Variants in AMH observed in about 807,000 individuals in gnomAD.
AMH encodes the protein anti-Mullerian hormone, also known as anti-Muellerian hormone.
A neutral mutation model predicts 33.3 loss-of-function variants in AMH; 39 were observed. The ratio of observed to expected loss-of-function variants is 1.17; its 90% CI spans 0.91 to 1.53. The LOEUF (loss-of-function observed/expected upper bound fraction) is 1.53. Ranked by LOEUF, AMH falls within the 40% of genes most tolerant of loss-of-function variation. The pLI, the probability that AMH is intolerant of heterozygous loss-of-function variation, is 0.00. For synonymous variants in AMH, 536 were observed against 403.0 expected, an observed-to-expected ratio of 1.33 and a Z score of -3.95; for missense variants, 1,019 against 799.8, an observed-to-expected ratio of 1.27 and a Z score of -3.30.
rs1385933183 is a variant in AMH, at chr19:2,250,675, C to A, written c.579C>A (p.Thr193=). The change falls in exon 3 of 5, where the codon ACC becomes ACA. Residue 193 remains threonine (T), a synonymous_variant. Transcript: ENST00000221496. ...GAQSLCPSRD[T]RYLVLAVDRP... ...AGAGCCTCTGCCCCTCCCGAGACAC[C>A]CGCTACCTGGTGTTAGCGGTGGACC... 6.5e-7 allele frequency: 1 copy of A among 1,539,778 alleles called. No individual in the cohort carries two copies. Among genetic ancestry groups the A allele is most frequent in the Non-Finnish European group, 8.7e-7 (1 of 1,147,302 alleles).
intron 1 of AMH, 47 bp from the exon 2 acceptor site, chr19:2,250,290 G>A (rs771599497): frequency 3.2e-6 from 5 of 1,562,464 alleles, no homozygotes; most frequent in Admixed American, 3.7e-5. Context: ...ATTCCCGGGG[G>A]GTGTGGCCTT....
At position 2,251,564 on chromosome 19, in the gene AMH, G is replaced by C; in HGVS notation, c.1290G>C (p.Ala430=). 5 of 1,319,404 alleles carry C rather than the reference G, an allele frequency of 3.8e-6. No homozygotes were observed. Among genetic ancestry groups the C allele is most frequent in the Non-Finnish European group, 3.9e-6 (4 of 1,036,482 alleles). The allele number at this position is 1,319,404 out of a possible 1,614,324, so 81.7% of individuals were successfully genotyped here. Residue 430 remains alanine (A), a synonymous_variant, in exon 5 of 5, where the codon GCG becomes GCC. Transcript: ENST00000221496. The stretch of plus-strand genomic sequence containing the variant: ...TGCGAGCGCTGCTGCTCCTGAAGGC[G>C]CTGCAGGGCCTGCGCGTGGAGTGGC... ...DPLRALLLLK[A]LQGLRVEWRG... is the part of the protein sequence containing the mutation.
Position 2,249,540 on chromosome 19 carries a change from CT to C in AMH, c.209del (p.Leu70ArgfsTer7), listed in dbSNP as rs1268601129. On this transcript the variant is annotated frameshift_variant, in exon 1 of 5. Transcript: ENST00000221496. LOFTEE classifies it high-confidence loss of function. ...GGDSNGSSSP[L>X]RVVGALSAYE... The stretch of plus-strand genomic sequence containing the variant: ...GGACAGCAATGGCAGCAGCTCCCCC[CT>C]GCGGGTGGTGGGGGCTCTAAGCGCC... The C allele has an allele frequency of 1.6e-5, 25 of 1,595,772 alleles. No individual in the cohort carries two copies. In the Admixed American group the frequency reaches 3.1e-4, roughly 20 times the overall value.
chr19:2,251,986 AG>A lies in AMH; in HGVS notation c.*32del. The A allele has an allele frequency of 6.5e-7, 1 of 1,533,758 alleles. No individual in the cohort carries two copies. The highest frequency in any genetic ancestry group is 1.2e-5 in the South Asian group (1 of 84,176). On this transcript the variant is annotated 3_prime_UTR_variant, in exon 5 of 5. Transcript: ENST00000221496. The stretch of plus-strand genomic sequence containing the variant: ...CTGCGCCGCGCGGACTCCTGCCCCG[AG>A]GGTCCGGACGCGCCCCAGCTCGCGC...
chr19:2,249,627 A>G lies in AMH; in HGVS notation c.295A>G (p.Thr99Ala). 1 of 1,529,614 alleles carries G rather than the reference A, an allele frequency of 6.5e-7. No individual in the cohort carries two copies. Among genetic ancestry groups the G allele is most frequent in the Non-Finnish European group, 8.8e-7 (1 of 1,140,318 alleles). The allele number at this position is 1,529,614 out of a possible 1,614,324, so 94.8% of individuals were successfully genotyped here. Residue 99 changes from threonine to alanine, a missense_variant, in exon 1 of 5, where the codon ACC becomes GCC. By Grantham distance (58) the Thr-to-Ala change is moderately conservative. Coordinates refer to ENST00000221496, the MANE Select transcript of AMH (RefSeq NM_000479.5). ...CCGCTGGGGCCCCCGAGACCTGGCC[A>G]CCTTCGGGGTCTGCAACACCGGTGA... The part of the protein sequence containing the change: ...RARWGPRDLA[T>A]FGVCNTGDRQ...
In AMH at chr19:2,250,957, C is replaced by T. The variant is rs1210053184; in HGVS notation, c.773C>T (p.Ala258Val). The T allele has an allele frequency of 2.0e-6, 3 of 1,526,366 alleles. No individual in the cohort carries two copies. Among genetic ancestry groups the T allele is most frequent in the Admixed American group, 3.9e-5 (2 of 50,702 alleles). The allele number at this position is 1,526,366 out of a possible 1,614,324, so 94.6% of individuals were successfully genotyped here. A position where few individuals can be genotyped will look rare whatever the true frequency, so the allele number is the denominator to read the frequency against. The change falls in exon 4 of 5, where the codon GCG becomes GTG. Residue 258 changes from alanine to valine, a missense_variant. Ala to Val is a moderately conservative substitution (Grantham distance 64). Transcript: ENST00000221496. ...CTCCTGCTGCCGCGGTCCGAGCCCG[C>T]GCCGCTGCCTGCGCACGGCCAGCTG... ...ALLLLPRSEP[A>V]PLPAHGQLDT...
chr19:2,249,326 AC>A lies in AMH; in HGVS notation c.-4del. 3.2e-6 allele frequency: 5 copies of A among 1,557,058 alleles called. No homozygotes were observed. Among genetic ancestry groups the A allele is most frequent in the South Asian group, 1.2e-5 (1 of 85,112 alleles). ...GGCAGGCAGCCCAGCCCCTGGCAGC[AC>A]CCACGATGCGGGACCTGCCTCTCAC... On this transcript the variant is annotated 5_prime_UTR_variant, in exon 1 of 5. Transcript: ENST00000221496.
chr19:2,252,003 C>T lies in AMH; in HGVS notation c.*46C>T, dbSNP rs1197991702. 2.0e-6 allele frequency: 3 copies of T among 1,528,480 alleles called. No homozygotes were observed. The highest frequency in any genetic ancestry group is 2.6e-6 in the Non-Finnish European group (3 of 1,143,044). 94.7% of individuals were successfully genotyped at this position (1,528,480 alleles called of 1,614,324 possible). ...CTGCCCCGAGGGTCCGGACGCGCCC[C>T]AGCTCGCGCCCCTTCCCATATTTAT... On this transcript the variant is annotated 3_prime_UTR_variant, in exon 5 of 5. Coordinates refer to ENST00000221496, the MANE Select transcript of AMH (RefSeq NM_000479.5).
chr19:2,249,838 C>T lies in AMH; in HGVS notation c.412+94C>T, dbSNP rs1005244332. The T allele has an allele frequency of 4.5e-6, 6 of 1,347,770 alleles. No homozygotes were observed. The African/African-American group carries it at 7.4e-5, about 17-fold the overall frequency. The allele number at this position is 1,347,770 out of a possible 1,614,324, so 83.5% of individuals were successfully genotyped here. ...AGATCAGGGGCTGGCAGAGCCCCCA[C>T]CCTGGGCAGGGAGGCTGTGGTCTTG... On this transcript the variant is annotated intron_variant, in intron 1 of 4. Transcript: ENST00000221496.
At position 2,249,563 on chromosome 19, in the gene AMH, C is replaced by T. The variant is rs1159509628; in HGVS notation, c.231C>T (p.Ser77=). The change falls in exon 1 of 5, where the codon AGC becomes AGT. Residue 77 remains serine, a synonymous_variant. Transcript: ENST00000221496. ...SSPLRVVGAL[S]AYEQAFLGAV... is the part of the protein sequence containing the mutation. Reference sequence around the variant, plus strand: ...CCCTGCGGGTGGTGGGGGCTCTAAGCGCCTATGAGCAGGCCTTCCTGGGGG... The same window carrying T: ...CCCTGCGGGTGGTGGGGGCTCTAAGTGCCTATGAGCAGGCCTTCCTGGGGG... 1.6e-5 allele frequency: 25 copies of T among 1,579,872 alleles called. No homozygotes were observed. Among genetic ancestry groups the T allele is most frequent in the Admixed American group, 5.4e-5 (3 of 55,680 alleles).
In AMH at chr19:2,251,709, A is replaced by G; in HGVS notation, c.1435A>G (p.Ile479Val). ...CCTCCGCGCCGAGCGCTCCGTACTC[A>G]TCCCCGAGACCTACCAGGCCAACAA... The part of the protein sequence containing the change: ...VDLRAERSVL[I>V]PETYQANNCQ... The change falls in exon 5 of 5, where the codon ATC becomes GTC. Residue 479 changes from isoleucine (I) to valine (V), a missense_variant. By Grantham distance (29) the Ile-to-Val change is conservative. Coordinates refer to ENST00000221496, the MANE Select transcript of AMH (RefSeq NM_000479.5). The G allele has an allele frequency of 2.5e-6, 4 of 1,611,614 alleles. No homozygotes were observed. Among genetic ancestry groups the G allele is most frequent in the Non-Finnish European group, 3.4e-6 (4 of 1,179,506 alleles).
Position 2,251,901 on chromosome 19 carries a change from C to T in AMH, c.1627C>T (p.Arg543Cys), listed in dbSNP as rs1160248955. 7 of 1,565,074 alleles carry T rather than the reference C, an allele frequency of 4.5e-6. No homozygotes were observed. Among genetic ancestry groups the T allele is most frequent in the Admixed American group, 3.6e-5 (2 of 55,312 alleles). ...GCTGCTCATCAGCCTGTCGGAGGAGCGCATCAGCGCGCACCACGTGCCCAA... is the reference window on the plus strand; with the variant it reads ...GCTGCTCATCAGCCTGTCGGAGGAGTGCATCAGCGCGCACCACGTGCCCAA... ...GKLLISLSEERISAHHVPNMV... is the reference protein window; with the variant it reads ...GKLLISLSEECISAHHVPNMV... The change falls in exon 5 of 5, where the codon CGC becomes TGC. Residue 543 changes from arginine to cysteine, a missense_variant. Physicochemically the swap from Arg to Cys is radical, Grantham distance 180. Transcript: ENST00000221496.
chr19:2,250,326 C>G lies in AMH; in HGVS notation c.413-11C>G. Reference sequence around the variant, plus strand: ...CAATGGCTCAGGCGTCCCCTGCTGTCCCGGCTGCAGTGACCTGGGAGCCAA... The same window carrying G: ...CAATGGCTCAGGCGTCCCCTGCTGTGCCGGCTGCAGTGACCTGGGAGCCAA... On this transcript the variant is annotated splice_polypyrimidine_tract_variant and intron_variant, in intron 1 of 4. Coordinates refer to ENST00000221496, the MANE Select transcript of AMH (RefSeq NM_000479.5). 1.9e-6 allele frequency: 3 copies of G among 1,592,598 alleles called. No individual in the cohort carries two copies. Among genetic ancestry groups the G allele is most frequent in the East Asian group, 4.5e-5 (2 of 44,390 alleles).
chr19:2,250,360 C>G lies in AMH; in HGVS notation c.436C>G (p.Leu146Val). ...EEVTWEPTPS[L>V]RFQEPPPGGA... Reference sequence around the variant, plus strand: ...AGTGACCTGGGAGCCAACACCCTCGCTGAGGTTCCAGGAGCCCCCGCCTGG... The same window carrying G: ...AGTGACCTGGGAGCCAACACCCTCGGTGAGGTTCCAGGAGCCCCCGCCTGG... Residue 146 changes from leucine (L) to valine (V), a missense_variant, in exon 2 of 5, where the codon CTG becomes GTG. Transcript: ENST00000221496. The G allele has an allele frequency of 1.9e-6, 3 of 1,598,546 alleles. No individual in the cohort carries two copies. Among genetic ancestry groups the G allele is most frequent in the Non-Finnish European group, 2.6e-6 (3 of 1,175,068 alleles).
chr19:2,250,285 CGGGGGGTG>C (rs1024315749), intron 1 of AMH, 44 bp from the exon 2 acceptor site: 47 of 1,556,622 alleles, frequency 3.0e-5, no homozygotes, highest in Non-Finnish European at 3.8e-5. Flanking sequence ...CAAAGATTCC[CGGGGGGTG>C]TGGCCTTCAA....
Position 2,251,340 on chromosome 19 carries a change from A to G in AMH, c.1066A>G (p.Thr356Ala). The change falls in exon 5 of 5, where the codon ACC (threonine) becomes GCC (alanine). Residue 356 changes from threonine to alanine, a missense_variant. Transcript: ENST00000221496. ...GCTGCTGCTGAGGCCCACTGCGGCCACCACCGGGGATCCTGCGCCCCTGCA... is the reference window on the plus strand; with the variant it reads ...GCTGCTGCTGAGGCCCACTGCGGCCGCCACCGGGGATCCTGCGCCCCTGCA... ...LLLLLRPTAA[T>A]TGDPAPLHDP... 3 of 1,493,830 alleles carry G rather than the reference A, an allele frequency of 2.0e-6. No homozygotes were observed. Among genetic ancestry groups the G allele is most frequent in the Non-Finnish European group, 2.7e-6 (3 of 1,129,188 alleles). The allele number at this position is 1,493,830 out of a possible 1,614,324, so 92.5% of individuals were successfully genotyped here. A position where few individuals can be genotyped will look rare whatever the true frequency, so the allele number is the denominator to read the frequency against.
rs1191260824 is a variant in AMH at position 2,250,867 on chromosome 19, C to A, written c.683C>A (p.Ala228Asp). The A allele has an allele frequency of 6.4e-7, 1 of 1,573,132 alleles. No individual in the cohort carries two copies. Among genetic ancestry groups the A allele is most frequent in the South Asian group, 1.1e-5 (1 of 87,428 alleles). Residue 228 changes from alanine to aspartate, a missense_variant, in exon 4 of 5, where the codon GCC becomes GAC. Transcript: ENST00000221496. ...ACCGCAGACTCCCGGCTGAGTACCG[C>A]CCGGCTGCAGGCACTGCTGTTCGGC... ...PRGEDSRLST[A>D]RLQALLFGDD...
At position 2,251,580 on chromosome 19, in the gene AMH, G is replaced by T. The variant is rs1264938566; in HGVS notation, c.1306G>T (p.Val436Leu). Residue 436 changes from valine (V) to leucine (L), a missense_variant, in exon 5 of 5, where the codon GTG becomes TTG. Val to Leu is a conservative substitution (Grantham distance 32). Coordinates refer to ENST00000221496, the MANE Select transcript of AMH (RefSeq NM_000479.5). ...CCTGAAGGCGCTGCAGGGCCTGCGC[G>T]TGGAGTGGCGCGGGCGGGATCCGCG... is the stretch of plus-strand genomic sequence containing the variant. Reference protein sequence around the residue: ...LLLKALQGLRVEWRGRDPRGP... With the variant: ...LLLKALQGLRLEWRGRDPRGP... 1.5e-6 allele frequency: 2 copies of T among 1,294,276 alleles called. No homozygotes were observed. Among genetic ancestry groups the T allele is most frequent in the South Asian group, 2.5e-5 (1 of 40,540 alleles). The allele number at this position is 1,294,276 out of a possible 1,614,324, so 80.2% of individuals were successfully genotyped here.
At chr19:2,250,541 G>A (rs557221831) in intron 2 of AMH, 62 bp downstream of exon 2, 13 of 1,539,714 alleles carry the variant, frequency 8.4e-6, no homozygotes, top group Non-Finnish European at 4.4e-6. Context: ...TTTGTTGCAG[G>A]GTCTGCAGTA....
Sources: gnomAD v4.1 joint callset for allele counts on GRCh38, gnomAD v4.1.1 for gene constraint, MANE v1.5 for transcripts, NCBI Gene and HGNC (gene_info 2026-07-23, HGNC 2026-07-21) for gene names.